Variants in SMARCC1 observed in about 807,000 individuals in gnomAD.
SMARCC1 encodes the protein SWI/SNF related BAF chromatin remodeling complex subunit C1.
SMARCC1 carries 43 observed loss-of-function variants against 147.4 expected under a neutral mutation model. The ratio of observed to expected loss-of-function variants is 0.29; its 90% CI spans 0.23 to 0.38. The LOEUF (loss-of-function observed/expected upper bound fraction) is 0.38. Among genes scored for constraint, SMARCC1 ranks in the 10% least tolerant of loss-of-function variants. The pLI is 1.00. For synonymous variants in SMARCC1, 495 were observed against 484.4 expected (o/e 1.02, Z -0.29); for missense variants, 1,119 against 1,381.1 (o/e 0.81, Z 3.01).
chr3:47,632,019 G>T (rs1576393246), intron 24 of SMARCC1, among the ~76,000 whole-genome samples: 1 of 152,156 alleles, frequency 6.6e-6, no homozygotes, highest in East Asian at 1.9e-4. Context: ...TGAGAATGAA[G>T]ATACGAGCTC....
intron 2 of SMARCC1, among the ~76,000 whole-genome samples, chr3:47,764,528 C>A (rs1410100688): frequency 2.0e-5 from 3 of 152,162 alleles, no homozygotes; most frequent in African/African-American, 4.8e-5. Context: ...GAGTACAAAC[C>A]TGCACTGAAG....
intron 3 of SMARCC1, among the ~76,000 whole-genome samples, chr3:47,742,262 G>A (rs1363951871): frequency 2.7e-5 from 4 of 149,992 alleles, no homozygotes; most frequent in South Asian, 2.1e-4. Context: ...GCAAGACTCC[G>A]TCTCAAAAAA....
intron 1 of SMARCC1, among the ~76,000 whole-genome samples, chr3:47,779,845 G>A (rs942895773): frequency 6.6e-6 from 1 of 152,118 alleles, no homozygotes; most frequent in African/African-American, 2.4e-5. Context: ...CTGAATTTAA[G>A]ACCCAAAGCA....
chr3:47,702,942 G>C (rs569102892), intron 10 of SMARCC1, among the ~76,000 whole-genome samples: 1 of 151,946 alleles, frequency 6.6e-6, no homozygotes, highest in East Asian at 1.9e-4. Flanking sequence ...TGGGGGCGGG[G>C]GTAGGAGACA....
chr3:47,714,584 C>A, intron 7 of SMARCC1, 94 bp from the exon 8 acceptor site: 2 of 681,790 alleles, frequency 2.9e-6, no homozygotes, highest in Non-Finnish European at 5.1e-6. Context: ...TTTAGAAATA[C>A]TACTAAAATC....
intron 14 of SMARCC1, among the ~76,000 whole-genome samples, chr3:47,683,176 G>A (rs2106765163): frequency 6.6e-6 from 1 of 152,258 alleles, no homozygotes; most frequent in East Asian, 1.9e-4. Context: ...CTGAGTAGCT[G>A]GGAATACACG....
intron 2 of SMARCC1, among the ~76,000 whole-genome samples, chr3:47,761,273 G>C (rs2034770545): frequency 6.6e-6 from 1 of 151,926 alleles, no homozygotes; most frequent in African/African-American, 2.4e-5. Flanking sequence ...CTGTACTTTA[G>C]CCTGGGTGAC....
chr3:47,743,837 T>C (rs2034536949), intron 3 of SMARCC1, among the ~76,000 whole-genome samples: 1 of 151,762 alleles, frequency 6.6e-6, no homozygotes, highest in Non-Finnish European at 1.5e-5. Flanking sequence ...AAAATTTCAT[T>C]GTGCAGAAAC....
At chr3:47,743,112 T>C (rs1289529164) in intron 3 of SMARCC1, among the ~76,000 whole-genome samples, 2 of 152,178 alleles carry the variant, frequency 1.3e-5, no homozygotes, top group African/African-American at 4.8e-5. Flanking sequence ...AAATGCAACC[T>C]AGACTGTGAG....
intron 5 of SMARCC1, among the ~76,000 whole-genome samples, 192 bp from the exon 6 acceptor site, chr3:47,729,286 G>A (rs1428815870): frequency 6.6e-6 from 1 of 152,180 alleles, no homozygotes; most frequent in African/African-American, 2.4e-5. Flanking sequence ...TGTCTACACA[G>A]TTTAGACTGC....
At chr3:47,610,938 C>G (rs2032555710) in intron 25 of SMARCC1, 1 of 152,830 alleles carries the variant, frequency 6.5e-6, no homozygotes. Context: ...CAAAATTATA[C>G]TTGGTGACAC....
chr3:47,696,015 C>T (rs1412383506), intron 11 of SMARCC1, among the ~76,000 whole-genome samples: 1 of 131,596 alleles, frequency 7.6e-6, no homozygotes, highest in African/African-American at 2.9e-5. Context: ...TGCAGTGAGC[C>T]GAGATTATGC....
chr3:47,659,760 A>AAGG lies in SMARCC1; in HGVS notation c.2320+1533_2320+1534insCCT, dbSNP rs373959195. ...CATAAAGTCTACTAAGAAAAAAAAA[A>AAGG]GGGGGGGGGGGCAAGAATCTGAGTA... On this transcript the variant is annotated intron_variant, in intron 21 of 27. Transcript: ENST00000254480. 2.4e-3 allele frequency among the ~76,000 whole-genome samples: 116 copies of AAGG among 47,784 alleles called. 16 individuals are homozygous for AAGG. The highest frequency in any genetic ancestry group is 7.7e-3 in the African/African-American group (85 of 11,000). The allele number at this position is 47,784 out of a possible 152,430, so 31.3% of individuals were successfully genotyped here.
At chr3:47,603,824 G>A in intron 26 of SMARCC1, 1 of 327,592 alleles carries the variant, frequency 3.1e-6, no homozygotes, top group Non-Finnish European at 6.0e-6. Flanking sequence ...CTGGATACCA[G>A]AAACATTCTA....
At chr3:47,749,989 G>A (rs539109261) in intron 2 of SMARCC1, among the ~76,000 whole-genome samples, 2 of 151,296 alleles carry the variant, frequency 1.3e-5, no homozygotes, top group East Asian at 3.9e-4. Flanking sequence ...GGCTGAGGCA[G>A]AAGAATAGCA....
intron 11 of SMARCC1, among the ~76,000 whole-genome samples, chr3:47,699,537 TAC>T (rs1363554090): frequency 6.6e-6 from 1 of 152,106 alleles, no homozygotes; most frequent in Non-Finnish European, 1.5e-5. Context: ...CATATGTATA[TAC>T]ATATATACAT....
intron 26 of SMARCC1, among the ~76,000 whole-genome samples, chr3:47,594,581 A>T (rs2032239310): frequency 2.0e-5 from 3 of 152,230 alleles, no homozygotes; most frequent in Admixed American, 2.0e-4. Context: ...ATGAGTGCAC[A>T]TAAAGGAGTG....
rs764474488 is a variant in SMARCC1 at position 47,686,111 on chromosome 3, A to T, written c.1323T>A (p.Asn441Lys). The change falls in exon 14 of 28, where the codon AAT becomes AAA. Residue 441 changes from asparagine (N) to lysine (K), a missense_variant. Physicochemically the swap from Asn to Lys is moderately conservative, Grantham distance 94. This residue lies in a region of SMARCC1 where 542 missense variants were observed against 611.8 expected (regional missense o/e 0.89). Transcript: ENST00000254480. ...TAATGTGATTGGTCTGCTCTGTCAC[A>T]TTATCTTCCCCAAGGTCAACTGATC... ...QSRSVDLGEDNVTEQTNHIII... is the reference protein window; with the variant it reads ...QSRSVDLGEDKVTEQTNHIII... The T allele has an allele frequency of 6.2e-7, 1 of 1,611,832 alleles. No homozygotes were observed. Among genetic ancestry groups the T allele is most frequent in the South Asian group, 1.1e-5 (1 of 91,012 alleles).
chr3:47,613,807 A>G lies in SMARCC1; in HGVS notation c.2782-3480T>C, dbSNP rs911314846. Among the ~76,000 whole-genome samples the G allele has an allele frequency of 3.9e-5, 6 of 152,148 alleles. No homozygotes were observed. The East Asian group carries it at 1.2e-3, about 29-fold the overall frequency. On this transcript the variant is annotated intron_variant, in intron 25 of 27. Transcript: ENST00000254480. ...GAGCCCCCACTTCCCCTGCTTTCAA[A>G]AACCCTGCCTTCCTCTCCCTCTTCA...
Sources: allele counts gnomAD v4.1 joint callset (sites outside exome capture counted in the v4.1 genomes callset), GRCh38; gene constraint gnomAD v4.1.1; regional missense constraint gnomAD v4.1.1; transcripts MANE v1.5; gene names NCBI Gene and HGNC (gene_info 2026-07-23, HGNC 2026-07-21).